Variants in RPS6KA2 observed in about 807,000 individuals in gnomAD.
The protein encoded by RPS6KA2 is ribosomal protein S6 kinase A2, also known as ribosomal protein S6 kinase alpha-2.
Under a neutral mutation model 91.8 loss-of-function variants are expected in RPS6KA2, and 42 were observed. The observed-to-expected ratio is 0.46, with a 90% confidence interval of 0.36 to 0.59. The LOEUF is 0.59. Ranked by LOEUF, RPS6KA2 falls within the 20% of genes least tolerant of loss-of-function variation. The probability of loss-of-function intolerance (pLI) is 0.00; values close to 1 mark genes in which losing one functional copy is unlikely to be tolerated. For synonymous variants in RPS6KA2, 414 were observed against 393.6 expected (o/e 1.05, Z -0.61); for missense variants, 798 against 978.5 (o/e 0.82, Z 2.46).
chr6:166,829,462 G>C (rs1006285837), intron 2 of RPS6KA2, among the ~76,000 whole-genome samples: 8 of 151,816 alleles, frequency 5.3e-5, no homozygotes, highest in African/African-American at 1.9e-4. Flanking sequence ...ATGGTGGCGG[G>C]CGCCCGTAGT....
intron 2 of RPS6KA2, among the ~76,000 whole-genome samples, chr6:166,833,870 T>C (rs1226523913): frequency 6.6e-6 from 1 of 152,168 alleles, no homozygotes; most frequent in Non-Finnish European, 1.5e-5. Context: ...TCCTTTTGCA[T>C]AAATTCCTTT....
rs546787270 is a variant in RPS6KA2, at chr6:166,677,430, C to T, written c.124-138646G>A. On this transcript the variant is annotated intron_variant, in intron 2 of 21. Transcript: ENST00000503859. The stretch of plus-strand genomic sequence containing the variant: ...AGGCTGAAGTGTAGTGGCATGATGT[C>T]GGCTCACTGCAACCTCCTCCTCCAG... Among the ~76,000 whole-genome samples the T allele has an allele frequency of 5.4e-5, 8 of 148,494 alleles. No homozygotes were observed. The South Asian group carries it at 6.4e-4, about 12-fold the overall frequency.
In RPS6KA2 at chr6:166,563,223, C is replaced by A. The variant is rs1315733989; in HGVS notation, c.100-24439G>T. On this transcript the variant is annotated intron_variant, in intron 1 of 20. Coordinates refer to ENST00000265678, the MANE Select transcript of RPS6KA2 (RefSeq NM_021135.6). This position sits in a 1 kb window ranked among gnomAD's most constrained non-coding sequence, Gnocchi z 4.1. ...AGTGGAGACACCGCCACGTCTGTGT[C>A]TCTGGAGAAGGAAGATGGAGAAGGC... Among the ~76,000 whole-genome samples, 1 of 152,144 alleles carries A rather than the reference C, an allele frequency of 6.6e-6. No individual in the cohort carries two copies. The highest frequency in any genetic ancestry group is 6.5e-5 in the Admixed American group (1 of 15,278).
At chr6:166,718,413 G>T (rs77704137) in intron 2 of RPS6KA2, among the ~76,000 whole-genome samples, 11,319 of 152,044 alleles carry the variant, frequency 0.074, 763 homozygotes, top group African/African-American at 0.18. Context: ...CCATCAGGAA[G>T]GCAGAAAAGG....
chr6:166,607,075 G>A (rs79164351), intron 1 of RPS6KA2, among the ~76,000 whole-genome samples: 20,019 of 149,804 alleles, frequency 0.13, 1,403 homozygotes, highest in South Asian at 0.22. Flanking sequence ...CCGGGATGCA[G>A]AGGTTGCAGT....
chr6:166,503,586 GGCT>G (rs1782096055), intron 6 of RPS6KA2, among the ~76,000 whole-genome samples: 2 of 152,144 alleles, frequency 1.3e-5, no homozygotes, highest in African/African-American at 2.4e-5. Flanking sequence ...ATCTAGGGGC[GGCT>G]ATGGGCCCTG....
intron 2 of RPS6KA2, among the ~76,000 whole-genome samples, chr6:166,748,005 C>G (rs138370566): frequency 1.8e-3 from 269 of 152,264 alleles, no homozygotes; most frequent in African/African-American, 6.2e-3. Flanking sequence ...AGTGAATGTG[C>G]CAACGGTCCC....
chr6:166,783,729 T>C (rs1460161834), intron 2 of RPS6KA2, among the ~76,000 whole-genome samples: 1 of 142,294 alleles, frequency 7.0e-6, no homozygotes, highest in African/African-American at 2.8e-5. Flanking sequence ...TGTAATCACA[T>C]ACACGCGTGG....
At position 166,648,074 on chromosome 6, in the gene RPS6KA2, G is replaced by A. The variant is rs540928900; in HGVS notation, c.124-109290C>T. Among the ~76,000 whole-genome samples the A allele has an allele frequency of 1.5e-3, 207 of 137,148 alleles. 1 individual carries two copies. Among genetic ancestry groups the A allele is most frequent in the African/African-American group, 2.1e-3 (75 of 35,900 alleles). 90.0% of individuals were successfully genotyped at this position (137,148 alleles called of 152,430 possible). ...TGCACATGCTCACACACATGCACAC[G>A]CACATGGTCATACACACACGCTCAT... On this transcript the variant is annotated intron_variant, in intron 2 of 21. Coordinates refer to the RPS6KA2 transcript ENST00000503859. This position sits in a 1 kb window ranked among gnomAD's most constrained non-coding sequence, Gnocchi z 4.8.
intron 2 of RPS6KA2, among the ~76,000 whole-genome samples, chr6:166,747,173 G>A (rs1191114959): frequency 1.3e-5 from 2 of 152,164 alleles, no homozygotes; most frequent in African/African-American, 4.8e-5. Flanking sequence ...TGGGGGTGGG[G>A]ATGAAAGTCT....
intron 2 of RPS6KA2, among the ~76,000 whole-genome samples, chr6:166,766,657 G>A (rs993433960): frequency 2.0e-5 from 3 of 152,146 alleles, no homozygotes; most frequent in African/African-American, 7.2e-5. Flanking sequence ...TCAATCAAAG[G>A]ATTTTTCTAG....
intron 1 of RPS6KA2, among the ~76,000 whole-genome samples, chr6:166,617,028 GC>G (rs1478922046): frequency 6.6e-6 from 1 of 152,254 alleles, no homozygotes; most frequent in Admixed American, 6.5e-5. Flanking sequence ...GCCCGGCTCT[GC>G]CTGACAGAAG....
At chr6:166,764,597 T>A (rs1778259209) in intron 2 of RPS6KA2, among the ~76,000 whole-genome samples, 1 of 150,120 alleles carries the variant, frequency 6.7e-6, no homozygotes, top group African/African-American at 2.5e-5. Flanking sequence ...GAGCAGGGGG[T>A]TGGGAAGGGG....
At chr6:166,671,381 A>G (rs1788467083) in intron 2 of RPS6KA2, among the ~76,000 whole-genome samples, 1 of 152,142 alleles carries the variant, frequency 6.6e-6, no homozygotes, top group Non-Finnish European at 1.5e-5. Flanking sequence ...AGCATTTCCT[A>G]TTAACACCTG....
chr6:166,640,123 A>C (rs565396087), intron 2 of RPS6KA2, among the ~76,000 whole-genome samples: 5 of 152,166 alleles, frequency 3.3e-5, no homozygotes, highest in Non-Finnish European at 5.9e-5. Context: ...TTCCAAGCCT[A>C]TACATAAATT....
At position 166,445,454 on chromosome 6, in the gene RPS6KA2, G is replaced by A. The variant is rs1779648172; in HGVS notation, c.1332+3270C>T. Among the ~76,000 whole-genome samples the A allele has an allele frequency of 1.3e-5, 2 of 152,208 alleles. No homozygotes were observed. Among genetic ancestry groups the A allele is most frequent in the African/African-American group, 4.8e-5 (2 of 41,454 alleles). On this transcript the variant is annotated intron_variant, in intron 14 of 20. Transcript: ENST00000265678. The surrounding 1 kb of genome is among the most constrained non-coding windows in gnomAD (Gnocchi z 4.5). ...TTCGTTGGGGCAGCAGGTTGTGGGG[G>A]CTGTCCTGTGCACACAGGATGCTAA...
chr6:166,521,969 G>A (rs1042738899), intron 3 of RPS6KA2, among the ~76,000 whole-genome samples: 5 of 152,276 alleles, frequency 3.3e-5, no homozygotes, highest in African/African-American at 1.2e-4. Context: ...AGACCCCAGA[G>A]AGCTCATTCA....
At chr6:166,529,033 A>C (rs1222975502) in intron 3 of RPS6KA2, among the ~76,000 whole-genome samples, 2 of 152,214 alleles carry the variant, frequency 1.3e-5, no homozygotes, top group Admixed American at 6.5e-5. Flanking sequence ...AGGATCTAGA[A>C]CTAGAAATAC....
chr6:166,547,966 T>C (rs925968324), intron 1 of RPS6KA2, among the ~76,000 whole-genome samples: 4 of 152,186 alleles, frequency 2.6e-5, no homozygotes, highest in Non-Finnish European at 4.4e-5. Context: ...CATTTACACA[T>C]AGAAAGCTGT....
Sources: allele counts gnomAD v4.1 joint callset (sites outside exome capture counted in the v4.1 genomes callset), GRCh38; gene constraint gnomAD v4.1.1; non-coding constraint Gnocchi (gnomAD v3.1); transcripts MANE v1.5; gene names NCBI Gene and HGNC (gene_info 2026-07-23, HGNC 2026-07-21).